The following LRRIQ3 variants were observed in gnomAD, a reference collection of about 807,000 sequenced individuals.
LRRIQ3 encodes the protein leucine rich repeats and IQ motif containing 3.
LRRIQ3 carries 75 observed loss-of-function variants against 59.3 expected under a neutral mutation model. That is an observed-to-expected ratio of 1.26 (90% CI 1.05 to 1.53). LRRIQ3 has a LOEUF of 1.53. Among genes scored for constraint, LRRIQ3 ranks in the 40% most tolerant of loss-of-function variants. The probability of loss-of-function intolerance (pLI) is 0.00; values close to 1 mark genes in which losing one functional copy is unlikely to be tolerated. For synonymous variants in LRRIQ3, 250 were observed against 231.3 expected, an observed-to-expected ratio of 1.08 and a Z score of -0.73; for missense variants, 831 against 710.0, an observed-to-expected ratio of 1.17 and a Z score of -1.94.
chr1:74,119,801 C>A (rs983456290), intron 4 of LRRIQ3, among the ~76,000 whole-genome samples: 1 of 151,942 alleles, frequency 6.6e-6, no homozygotes, highest in Admixed American at 6.6e-5. Flanking sequence ...TATCCCTGTG[C>A]CAATAAAATC....
intron 5 of LRRIQ3, among the ~76,000 whole-genome samples, chr1:74,098,024 C>T (rs1221457850): frequency 1.3e-5 from 2 of 152,146 alleles, no homozygotes; most frequent in South Asian, 4.1e-4. Flanking sequence ...CAGCTAACAT[C>T]ATAATGACAG....
At chr1:74,092,367 G>A (rs1646404177) in intron 5 of LRRIQ3, among the ~76,000 whole-genome samples, 1 of 152,016 alleles carries the variant, frequency 6.6e-6, no homozygotes, top group Non-Finnish European at 1.5e-5. Context: ...TAAACTGATA[G>A]CAATATGGTA....
At position 74,041,280 on chromosome 1, in the gene LRRIQ3, T is replaced by A; in HGVS notation, c.1651A>T (p.Ile551Phe). The A allele has an allele frequency of 6.2e-7, 1 of 1,605,052 alleles. No homozygotes were observed. Among genetic ancestry groups the A allele is most frequent in the Non-Finnish European group, 8.5e-7 (1 of 1,177,918 alleles). The stretch of plus-strand genomic sequence containing the variant: ...TCTGCTTTTAGTTTTTGCTTAACAA[T>A]CAGGCTTTTCTCTTTTAGGACAGCC... ...NEAVLKEKSL[I>F]VKQKLKAEKY... Residue 551 changes from isoleucine (I) to phenylalanine (F), a missense_variant, in exon 7 of 8, where the codon ATT becomes TTT. Ile to Phe is a conservative substitution (Grantham distance 21, BLOSUM62 0). Coordinates refer to ENST00000354431, the MANE Select transcript of LRRIQ3 (RefSeq NM_001105659.2).
chr1:74,161,815 C>G (rs529897266), intron 3 of LRRIQ3, among the ~76,000 whole-genome samples: 1 of 151,906 alleles, frequency 6.6e-6, no homozygotes, highest in African/African-American at 2.4e-5. Flanking sequence ...AATACTTAAG[C>G]TTTCTGATGT....
intron 2 of LRRIQ3, 130 bp from the exon 3 acceptor site, chr1:74,182,991 G>T: frequency 3.7e-6 from 2 of 536,754 alleles, no homozygotes; most frequent in African/African-American, 1.9e-5. Context: ...TAAGCAAACA[G>T]AGTATTTATA....
intron 6 of LRRIQ3, among the ~76,000 whole-genome samples, chr1:74,055,246 T>C (rs1404448134): frequency 6.7e-6 from 1 of 149,792 alleles, no homozygotes; most frequent in African/African-American, 2.4e-5. Flanking sequence ...TGATTCAGTG[T>C]TTTTCTGACA....
intron 3 of LRRIQ3, among the ~76,000 whole-genome samples, chr1:74,177,208 A>T (rs1198508452): frequency 6.6e-6 from 1 of 152,066 alleles, no homozygotes; most frequent in Non-Finnish European, 1.5e-5. Context: ...TCAGCTGCTA[A>T]GTATGTCTAT....
intron 3 of LRRIQ3, among the ~76,000 whole-genome samples, chr1:74,159,110 A>G (rs1239076433): frequency 1.3e-5 from 2 of 152,106 alleles, no homozygotes; most frequent in Admixed American, 6.5e-5. Context: ...CCTCCTTATA[A>G]ATGAGAAATT....
intron 4 of LRRIQ3, among the ~76,000 whole-genome samples, chr1:74,118,015 C>T (rs2100579513): frequency 6.6e-6 from 1 of 151,130 alleles, no homozygotes; most frequent in South Asian, 2.1e-4. Context: ...AAAACATAAC[C>T]ATTTAAAAGA....
chr1:74,111,477 G>A (rs1646693783), intron 4 of LRRIQ3, among the ~76,000 whole-genome samples: 1 of 152,070 alleles, frequency 6.6e-6, no homozygotes, highest in African/African-American at 2.4e-5. Context: ...GAAGGTCACT[G>A]AGATGGAAAG....
At chr1:74,076,582 T>C (rs1406950002) in intron 5 of LRRIQ3, among the ~76,000 whole-genome samples, 18 of 152,128 alleles carry the variant, frequency 1.2e-4, no homozygotes, top group Non-Finnish European at 2.5e-4. Context: ...CCCCCATTAC[T>C]TCGACCTGTT....
At chr1:74,146,117 G>A (rs926459289) in intron 4 of LRRIQ3, among the ~76,000 whole-genome samples, 1 of 152,048 alleles carries the variant, frequency 6.6e-6, no homozygotes, top group African/African-American at 2.4e-5. Context: ...ACCTAAGTTT[G>A]TCTAAGTGTA....
intron 4 of LRRIQ3, among the ~76,000 whole-genome samples, chr1:74,120,864 T>G (rs927063541): frequency 5.3e-5 from 8 of 152,068 alleles, no homozygotes; most frequent in Admixed American, 3.9e-4. Context: ...GTTTCCCACT[T>G]ATTATCCCTC....
chr1:74,099,450 G>C (rs1646498928), intron 5 of LRRIQ3, among the ~76,000 whole-genome samples: 1 of 152,130 alleles, frequency 6.6e-6, no homozygotes, highest in Non-Finnish European at 1.5e-5. Context: ...GGACTAGATG[G>C]ATTCACAGCC....
intron 1 of LRRIQ3, among the ~76,000 whole-genome samples, chr1:74,187,219 C>T (rs1030221259): frequency 1.3e-5 from 2 of 152,028 alleles, no homozygotes; most frequent in African/African-American, 4.8e-5. Flanking sequence ...AAAAAAGACA[C>T]ATGAACATAC....
intron 4 of LRRIQ3, among the ~76,000 whole-genome samples, chr1:74,149,586 T>C (rs903456210): frequency 6.6e-6 from 1 of 152,176 alleles, no homozygotes; most frequent in Non-Finnish European, 1.5e-5. Flanking sequence ...TCTCCACAAA[T>C]AATGAATTCT....
At chr1:74,044,894 T>C (rs1433313340) in intron 6 of LRRIQ3, among the ~76,000 whole-genome samples, 1 of 152,124 alleles carries the variant, frequency 6.6e-6, no homozygotes, top group Non-Finnish European at 1.5e-5. Flanking sequence ...CACTACACTC[T>C]TCCAAGACTA....
At chr1:74,127,670 G>A (rs528945243) in intron 4 of LRRIQ3, among the ~76,000 whole-genome samples, 8 of 151,654 alleles carry the variant, frequency 5.3e-5, no homozygotes, top group Non-Finnish European at 1.0e-4. Flanking sequence ...TTAGTATGCT[G>A]TCTATGTCTT....
At chr1:74,093,669 G>A (rs1201647365) in intron 5 of LRRIQ3, among the ~76,000 whole-genome samples, 1 of 151,988 alleles carries the variant, frequency 6.6e-6, no homozygotes, top group African/African-American at 2.4e-5. Flanking sequence ...GACCAGGGCT[G>A]GTATGAAAAC....
Sources: gnomAD v4.1 joint callset for allele counts (sites outside exome capture counted in the v4.1 genomes callset) on GRCh38, gnomAD v4.1.1 for gene constraint, MANE v1.5 for transcripts, NCBI Gene and HGNC (gene_info 2026-07-23, HGNC 2026-07-21) for gene names.